The following JPH2 variants were observed in gnomAD, a reference collection of about 807,000 sequenced individuals.
JPH2 encodes junctophilin 2.
In JPH2, 38 loss-of-function variants were observed where a neutral mutation model predicts 55.9. That is an observed-to-expected ratio of 0.68 (90% CI 0.52 to 0.89). The LOEUF (loss-of-function observed/expected upper bound fraction) is 0.89, where lower values mean the gene tolerates loss of function less well. JPH2 is among the 40% of genes least tolerant of loss of function. JPH2 has a pLI of 0.00. For synonymous variants in JPH2, 480 were observed against 472.4 expected, an observed-to-expected ratio of 1.02 and a Z score of -0.21; for missense variants, 964 against 1,037.6, an observed-to-expected ratio of 0.93 and a Z score of 0.97.
chr20:44,145,027 G>T lies in JPH2; in HGVS notation c.1169+14591C>A, dbSNP rs541994106. Among the ~76,000 whole-genome samples, 3 of 152,320 alleles carry T rather than the reference G, an allele frequency of 2.0e-5. No individual in the cohort carries two copies. The East Asian group carries it at 5.8e-4, about 29-fold the overall frequency. On this transcript the variant is annotated intron_variant, in intron 2 of 5. Coordinates refer to ENST00000372980, the MANE Select transcript of JPH2 (RefSeq NM_020433.5). The stretch of plus-strand genomic sequence containing the variant: ...AAAAGCCGCTTGCCCAAAGCCACGA[G>T]GCCAGTGAGAGTGCAGGACTAGAGC...
chr20:44,173,989 A>G (rs998619603), intron 1 of JPH2, among the ~76,000 whole-genome samples: 1 of 152,222 alleles, frequency 6.6e-6, no homozygotes, highest in East Asian at 1.9e-4. Context: ...AATCCATCAC[A>G]TAGGCCACTT....
intron 1 of JPH2, among the ~76,000 whole-genome samples, chr20:44,162,558 A>G (rs941531284): frequency 1.3e-5 from 2 of 151,414 alleles, no homozygotes; most frequent in Non-Finnish European, 2.9e-5. Context: ...AAATGTGAAA[A>G]GCCTAGACTG....
At chr20:44,144,415 C>A (rs890906825) in intron 2 of JPH2, among the ~76,000 whole-genome samples, 2 of 152,130 alleles carry the variant, frequency 1.3e-5, no homozygotes, top group African/African-American at 2.4e-5. Flanking sequence ...CTCGTATTGT[C>A]CTCACCATAA....
At chr20:44,168,907 C>T (rs1407233277) in intron 1 of JPH2, among the ~76,000 whole-genome samples, 1 of 152,274 alleles carries the variant, frequency 6.6e-6, no homozygotes, top group African/African-American at 2.4e-5. Context: ...TAGATTAATG[C>T]CCTCCCTTGG....
Position 44,109,360 on chromosome 20 carries a change from T to C in JPH2, c.*4158A>G, listed in dbSNP as rs2145833126. ...GGAATTGTTCTAAGTGCTGTGTTCA[T>C]ATTTTCTATCTGAAGAGGCAGGTAA... On this transcript the variant is annotated 3_prime_UTR_variant, in exon 6 of 6. Transcript: ENST00000372980. 6.6e-6 allele frequency among the ~76,000 whole-genome samples: 1 copy of C among 152,380 alleles called. No individual in the cohort carries two copies.
In JPH2 at chr20:44,115,720, T is replaced by C; in HGVS notation, c.1955A>G (p.Lys652Arg). 1 of 1,613,662 alleles carries C rather than the reference T, an allele frequency of 6.2e-7. No individual in the cohort carries two copies. Among genetic ancestry groups the C allele is most frequent in the Non-Finnish European group, 8.5e-7 (1 of 1,180,000 alleles). Residue 652 changes from lysine (K) to arginine (R), a missense_variant, in exon 4 of 6, where the codon AAG becomes AGG. Physicochemically the swap from Lys to Arg is conservative, Grantham distance 26 (BLOSUM62 2). Coordinates refer to ENST00000372980, the MANE Select transcript of JPH2 (RefSeq NM_020433.5). Reference sequence around the variant, plus strand: ...CAGTGCGGCCTCCTTCCGCGCCTTCTTCTTGGCCCCCGCCTTGGTCAGCCC... The same window carrying C: ...CAGTGCGGCCTCCTTCCGCGCCTTCCTCTTGGCCCCCGCCTTGGTCAGCCC... The part of the protein sequence containing the change: ...ARGLTKAGAK[K>R]KARKEAALAA...
intron 2 of JPH2, among the ~76,000 whole-genome samples, chr20:44,152,685 TCTG>T (rs1345923810): frequency 6.6e-6 from 1 of 152,204 alleles, no homozygotes; most frequent in African/African-American, 2.4e-5. Flanking sequence ...CCCTCTTCCC[TCTG>T]GTGACCTGTG....
intron 3 of JPH2, among the ~76,000 whole-genome samples, chr20:44,116,810 C>T (rs1260516153): frequency 6.6e-6 from 1 of 152,206 alleles, no homozygotes; most frequent in Non-Finnish European, 1.5e-5. Flanking sequence ...ATGTCAAAGG[C>T]GGAGCTCAGG....
intron 2 of JPH2, among the ~76,000 whole-genome samples, chr20:44,149,290 C>T (rs537599964): frequency 5.1e-4 from 77 of 152,284 alleles, no homozygotes; most frequent in African/African-American, 1.8e-3. Context: ...TACAGCCTAG[C>T]CCTTGCCATA....
chr20:44,173,788 C>T (rs1417426572), intron 1 of JPH2, among the ~76,000 whole-genome samples: 1 of 152,162 alleles, frequency 6.6e-6, no homozygotes, highest in East Asian at 1.9e-4. Flanking sequence ...GTGGCGCATG[C>T]CTGTAATCCC....
intron 1 of JPH2, among the ~76,000 whole-genome samples, chr20:44,183,522 T>C (rs2072804574): frequency 6.6e-6 from 1 of 152,188 alleles, no homozygotes; most frequent in African/African-American, 2.4e-5. Context: ...CTATCCTGCA[T>C]CTGAGGCTGC....
intron 2 of JPH2, among the ~76,000 whole-genome samples, chr20:44,157,987 C>G (rs143122590): frequency 6.6e-6 from 1 of 152,172 alleles, no homozygotes; most frequent in Non-Finnish European, 1.5e-5. Context: ...CTGTACCCCA[C>G]CCCAAATTTG....
chr20:44,186,893 C>T lies in JPH2; in HGVS notation c.-188G>A. 1.6e-6 allele frequency: 1 copy of T among 622,784 alleles called. No individual in the cohort carries two copies. Among genetic ancestry groups the T allele is most frequent in the Non-Finnish European group, 2.8e-6 (1 of 356,692 alleles). The allele number at this position is 622,784 out of a possible 1,614,324, so 38.6% of individuals were successfully genotyped here. A position where few individuals can be genotyped will look rare whatever the true frequency, so the allele number is the denominator to read the frequency against. ...CGGCGCCAAGTCAGCACCGGGTCGG[C>T]TAGTCAGTGCCATGCCCGGGAGCCC... On this transcript the variant is annotated 5_prime_UTR_variant, in exon 1 of 6. Transcript: ENST00000372980.
At chr20:44,135,133 C>T (rs192386382) in intron 2 of JPH2, among the ~76,000 whole-genome samples, 1 of 151,496 alleles carries the variant, frequency 6.6e-6, no homozygotes, top group East Asian at 1.9e-4. Flanking sequence ...TAGATGCTAA[C>T]CCCGGATGTA....
At chr20:44,143,067 G>A (rs1202295472) in intron 2 of JPH2, among the ~76,000 whole-genome samples, 6 of 152,292 alleles carry the variant, frequency 3.9e-5, no homozygotes, top group Admixed American at 2.6e-4. Flanking sequence ...AAAAGAGCAG[G>A]TGTTCGTGAG....
At chr20:44,175,276 G>A (rs1304111895) in intron 1 of JPH2, among the ~76,000 whole-genome samples, 2 of 152,188 alleles carry the variant, frequency 1.3e-5, no homozygotes, top group Non-Finnish European at 2.9e-5. Context: ...TTTGCCAAAT[G>A]GCTTTTGTTC....
At chr20:44,134,806 AAT>A (rs1212786510) in intron 2 of JPH2, among the ~76,000 whole-genome samples, 6 of 60,720 alleles carry the variant, frequency 9.9e-5, no homozygotes, top group Non-Finnish European at 1.9e-4. Flanking sequence ...ATTTATTATA[AAT>A]ATATATAAAT....
intron 1 of JPH2, among the ~76,000 whole-genome samples, chr20:44,166,513 G>C (rs1307518341): frequency 2.0e-5 from 3 of 152,200 alleles, no homozygotes; most frequent in African/African-American, 7.2e-5. Context: ...GGCTGATGTA[G>C]TCCCTTTAAG....
At chr20:44,126,295 A>C (rs1298272916) in intron 2 of JPH2, among the ~76,000 whole-genome samples, 1 of 152,044 alleles carries the variant, frequency 6.6e-6, no homozygotes, top group East Asian at 1.9e-4. Context: ...ACTTTAGTAT[A>C]ATAATAATTT....
Sources: allele counts gnomAD v4.1 joint callset (sites outside exome capture counted in the v4.1 genomes callset), GRCh38; gene constraint gnomAD v4.1.1; transcripts MANE v1.5; gene names NCBI Gene and HGNC (gene_info 2026-07-23, HGNC 2026-07-21).